Variants in FEZ2 observed in about 807,000 individuals in gnomAD.
The protein encoded by FEZ2 is fasciculation and elongation protein zeta 2.
A neutral mutation model predicts 40.4 loss-of-function variants in FEZ2; 51 were observed. The observed-to-expected ratio is 1.26, with a 90% confidence interval of 1.01 to 1.59. The LOEUF (loss-of-function observed/expected upper bound fraction) is 1.59, where lower values mean the gene tolerates loss of function less well. Ranked by LOEUF, FEZ2 falls within the 40% of genes most tolerant of loss-of-function variation. FEZ2 has a pLI of 0.00. For synonymous variants in FEZ2, 242 were observed against 172.0 expected (o/e 1.41, Z -3.18); for missense variants, 640 against 438.3 (o/e 1.46, Z -4.11).
chr2:36,585,121 T>C (rs941492688), intron 2 of FEZ2, among the ~76,000 whole-genome samples: 26 of 151,980 alleles, frequency 1.7e-4, no homozygotes, highest in African/African-American at 6.0e-4. Flanking sequence ...AAAATCACAT[T>C]AAAAGGATCA....
In FEZ2 at chr2:36,591,004, T is replaced by C. The variant is rs1452688469; in HGVS notation, c.274A>G (p.Asn92Asp). 1.9e-6 allele frequency: 3 copies of C among 1,592,448 alleles called. No homozygotes were observed. The Admixed American group carries it at 5.0e-5, about 27-fold the overall frequency. Reference sequence around the variant, plus strand: ...TTCCCATAATTATCTGTCAGGGCATTCCAAATCCTTAAAAAGAAGAAAGCT... The same window carrying C: ...TTCCCATAATTATCTGTCAGGGCATCCCAAATCCTTAAAAAGAAGAAAGCT... The part of the protein sequence containing the change: ...RSLLQGDEIW[N>D]ALTDNYGNVM... The change falls in exon 2 of 8, where the codon AAT (asparagine) becomes GAT (aspartate). Residue 92 changes from asparagine to aspartate, a missense_variant. Transcript: ENST00000405912.
chr2:36,577,223 C>A (rs1291737320), intron 5 of FEZ2, among the ~76,000 whole-genome samples: 1 of 151,234 alleles, frequency 6.6e-6, no homozygotes, highest in East Asian at 1.9e-4. Context: ...TAATAGATAC[C>A]TGAGAACTTT....
intron 5 of FEZ2, among the ~76,000 whole-genome samples, chr2:36,560,016 C>G (rs1668052125): frequency 6.6e-6 from 1 of 152,194 alleles, no homozygotes; most frequent in Non-Finnish European, 1.5e-5. Context: ...TTCCTACAAG[C>G]TACATTTTGT....
intron 1 of FEZ2, among the ~76,000 whole-genome samples, chr2:36,593,805 A>C (rs187676063): frequency 5.2e-4 from 79 of 151,620 alleles, no homozygotes; most frequent in Non-Finnish European, 8.5e-4. Flanking sequence ...TACTTACGCA[A>C]ATTTCTGCAG....
Position 36,578,696 on chromosome 2 carries a change from G to C in FEZ2, c.804C>G (p.Asn268Lys), listed in dbSNP as rs754102790. The change falls in exon 5 of 8, where the codon AAC (asparagine) becomes AAG (lysine). Residue 268 changes from asparagine to lysine, a missense_variant. Physicochemically the swap from Asn to Lys is moderately conservative, Grantham distance 94. Coordinates refer to ENST00000405912, the MANE Select transcript of FEZ2 (RefSeq NM_005102.3). ...CTGTTTCTTTGTGCTCTTTCTGTTT[G>C]TTTTGCACTTCAATAAGAACAGAAA... is the stretch of plus-strand genomic sequence containing the variant. ...SFISVLIEVQ[N>K]KQKEHKETAK... The C allele has an allele frequency of 1.2e-6, 2 of 1,613,568 alleles. No individual in the cohort carries two copies. The highest frequency in any genetic ancestry group is 1.7e-6 in the Non-Finnish European group (2 of 1,179,792).
chr2:36,571,184 C>T (rs910734752), intron 5 of FEZ2, among the ~76,000 whole-genome samples: 2 of 152,092 alleles, frequency 1.3e-5, no homozygotes, highest in Non-Finnish European at 2.9e-5. Context: ...ATTCATAATT[C>T]ATAGGTTTGA....
chr2:36,557,951 A>G (rs1667996953), intron 6 of FEZ2: 1 of 152,540 alleles, frequency 6.6e-6, no homozygotes, highest in African/African-American at 2.4e-5. Context: ...GTAGGCCTTC[A>G]CTAAATATTT....
chr2:36,591,834 C>A (rs1468464383), intron 1 of FEZ2, among the ~76,000 whole-genome samples: 2 of 152,142 alleles, frequency 1.3e-5, no homozygotes. Flanking sequence ...CCCTAGGTAT[C>A]CTCTGCCCTT....
At position 36,565,086 on chromosome 2, in the gene FEZ2, C is replaced by T. The variant is rs190605183; in HGVS notation, c.904-6573G>A. ...CTTTATCTATGTTTGCCCTCGTCAA[C>T]AATCAATGACCTGACCCTAACTCCT... On this transcript the variant is annotated intron_variant, in intron 5 of 7. Coordinates refer to ENST00000405912, the MANE Select transcript of FEZ2 (RefSeq NM_005102.3). 4.3e-3 allele frequency among the ~76,000 whole-genome samples: 652 copies of T among 152,334 alleles called. 4 individuals carry two copies. Among genetic ancestry groups the T allele is most frequent in the Non-Finnish European group, 7.0e-3 (475 of 68,032 alleles).
intron 5 of FEZ2, among the ~76,000 whole-genome samples, chr2:36,567,688 G>A (rs545414655): frequency 6.6e-6 from 1 of 152,126 alleles, no homozygotes; most frequent in Non-Finnish European, 1.5e-5. Flanking sequence ...CTTGAACCCG[G>A]GAGGCGGAGG....
intron 2 of FEZ2, among the ~76,000 whole-genome samples, chr2:36,585,157 C>T (rs1014343323): frequency 6.6e-6 from 1 of 152,112 alleles, no homozygotes; most frequent in Non-Finnish European, 1.5e-5. Flanking sequence ...AGTGAATTCT[C>T]AATAGCAACA....
chr2:36,559,940 G>A (rs945345217), intron 5 of FEZ2, among the ~76,000 whole-genome samples: 4 of 152,202 alleles, frequency 2.6e-5, no homozygotes, highest in Admixed American at 1.3e-4. Flanking sequence ...TCTCCCTTCC[G>A]GAGAAACACT....
chr2:36,574,900 A>G (rs939393415), intron 5 of FEZ2, among the ~76,000 whole-genome samples: 1 of 152,164 alleles, frequency 6.6e-6, no homozygotes. Flanking sequence ...TGCACTTCCC[A>G]AAGAGGTCCA....
At chr2:36,578,932 G>T (rs1668657150) in intron 4 of FEZ2, 67 bp from the exon 5 acceptor site, 1 of 1,368,918 alleles carries the variant, frequency 7.3e-7, no homozygotes, top group Admixed American at 2.1e-5. Context: ...AAACAGAGTA[G>T]TCACTAGGAA....
chr2:36,557,139 T>G (rs970108783), intron 6 of FEZ2: 1 of 152,160 alleles, frequency 6.6e-6, no homozygotes, highest in Non-Finnish European at 1.5e-5. Context: ...TGTTTAAAAT[T>G]TTTTCTAACT....
intron 5 of FEZ2, among the ~76,000 whole-genome samples, chr2:36,576,062 T>C (rs1017363936): frequency 7.2e-5 from 11 of 152,216 alleles, no homozygotes; most frequent in Admixed American, 4.6e-4. Context: ...GTATCACTGA[T>C]AATAGCAAAC....
At position 36,598,000 on chromosome 2, in the gene FEZ2, G is replaced by T. The variant is rs1395095361; in HGVS notation, c.143C>A (p.Pro48Gln). 6.7e-7 allele frequency: 1 copy of T among 1,494,108 alleles called. No homozygotes were observed. Among genetic ancestry groups the T allele is most frequent in the Non-Finnish European group, 8.9e-7 (1 of 1,127,530 alleles). The allele number at this position is 1,494,108 out of a possible 1,614,324, so 92.6% of individuals were successfully genotyped here. Residue 48 changes from proline to glutamine, a missense_variant, in exon 1 of 8, where the codon CCG becomes CAG. Physicochemically the swap from Pro to Gln is moderately conservative, Grantham distance 76. Coordinates refer to ENST00000405912, the MANE Select transcript of FEZ2 (RefSeq NM_005102.3). The part of the protein sequence containing the change: ...AEAGGGADGF[P>Q]APACSLEEKL... ...CTCCTCCAAGCTGCAGGCCGGGGCC[G>T]GGAAACCGTCGGCGCCCCCACCCGC... is the stretch of plus-strand genomic sequence containing the variant.
intron 2 of FEZ2, chr2:36,590,673 A>T (rs1669045016): frequency 6.8e-6 from 3 of 442,160 alleles, no homozygotes; most frequent in Admixed American, 4.1e-5. Context: ...AAAAATTGTG[A>T]TGGAAATTTA....
chr2:36,563,938 C>A (rs760569016), intron 5 of FEZ2, among the ~76,000 whole-genome samples: 6 of 152,188 alleles, frequency 3.9e-5, no homozygotes, highest in Non-Finnish European at 7.4e-5. Context: ...CCCTTAAATG[C>A]CAGTGTTCCC....
Sources: gnomAD v4.1 joint callset for allele counts (sites outside exome capture counted in the v4.1 genomes callset) on GRCh38, gnomAD v4.1.1 for gene constraint, MANE v1.5 for transcripts, NCBI Gene and HGNC (gene_info 2026-07-23, HGNC 2026-07-21) for gene names.